GABRR3: variants seen among roughly 807,000 people sequenced by gnomAD.
The protein encoded by GABRR3 is gamma-aminobutyric acid receptor subunit rho-3.
In GABRR3, 29 loss-of-function variants were observed where a neutral mutation model predicts 43.2. That is an observed-to-expected ratio of 0.67 (90% CI 0.50 to 0.92). The LOEUF (loss-of-function observed/expected upper bound fraction) is 0.92. Ranked by LOEUF, GABRR3 falls within the 40% of genes least tolerant of loss-of-function variation. GABRR3 has a pLI of 0.00. For synonymous variants in GABRR3, 206 were observed against 195.9 expected, an observed-to-expected ratio of 1.05 and a Z score of -0.43; for missense variants, 576 against 572.3, an observed-to-expected ratio of 1.01 and a Z score of -0.07.
At position 98,032,612 on chromosome 3, in the gene GABRR3, T is replaced by C. The variant is rs557550631; in HGVS notation, c.125+2251A>G. On this transcript the variant is annotated intron_variant, in intron 2 of 9. Coordinates refer to ENST00000621172, the Ensembl canonical transcript of GABRR3. ...AACTTACTTTATTCACACCTCTCCC[T>C]ACTTTGTTTTTAGGAAACAAAAGAT... Among the ~76,000 whole-genome samples, 4 of 152,354 alleles carry C rather than the reference T, an allele frequency of 2.6e-5. No homozygotes were observed. The South Asian group carries it at 8.3e-4, about 32-fold the overall frequency.
intron 9 of GABRR3, among the ~76,000 whole-genome samples, chr3:97,988,260 T>C (rs1276582838): frequency 6.6e-6 from 1 of 152,112 alleles, no homozygotes; most frequent in Admixed American, 6.6e-5. Flanking sequence ...TTATTTTTAG[T>C]AGAGACGAGG....
chr3:98,028,245 TA>T (rs1367974135), intron 2 of GABRR3, among the ~76,000 whole-genome samples: 1 of 152,212 alleles, frequency 6.6e-6, no homozygotes, highest in African/African-American at 2.4e-5. Context: ...ATTCTGTTCT[TA>T]TTTTTTAATC....
chr3:98,024,596 G>A (rs912579522), intron 3 of GABRR3, among the ~76,000 whole-genome samples: 1 of 152,064 alleles, frequency 6.6e-6, no homozygotes, highest in African/African-American at 2.4e-5. Context: ...GAACACTTGC[G>A]GTATTCGTTA....
At chr3:98,033,340 A>T (rs990535910) in intron 2 of GABRR3, among the ~76,000 whole-genome samples, 2 of 152,214 alleles carry the variant, frequency 1.3e-5, no homozygotes, top group African/African-American at 4.8e-5. Context: ...CTACGGGGGA[A>T]GTCTGCTTTT....
At position 98,007,749 on chromosome 3, in the gene GABRR3, T is replaced by G. The variant is rs374700209; in HGVS notation, c.754+15A>C. 8 of 1,613,118 alleles carry G rather than the reference T, an allele frequency of 5.0e-6. No individual in the cohort carries two copies. In the East Asian group the frequency reaches 1.8e-4, roughly 36 times the overall value. ...CCAATAAATGCTGATGAATCACCCATGTAAAATGCTGTACCTGTGCTGCTA... is the reference window on the plus strand; with the variant it reads ...CCAATAAATGCTGATGAATCACCCAGGTAAAATGCTGTACCTGTGCTGCTA... On this transcript the variant is annotated intron_variant, in intron 7 of 9. Transcript: ENST00000621172.
At chr3:98,010,314 C>T (rs1706774309) in intron 5 of GABRR3, among the ~76,000 whole-genome samples, 1 of 152,200 alleles carries the variant, frequency 6.6e-6, no homozygotes, top group Non-Finnish European at 1.5e-5. Context: ...GCGCTTAATT[C>T]TCTCAGCAAT....
intron 2 of GABRR3, among the ~76,000 whole-genome samples, chr3:98,032,342 A>T (rs1441810278): frequency 6.6e-6 from 1 of 152,186 alleles, no homozygotes; most frequent in Non-Finnish European, 1.5e-5. Context: ...CCTGAAAATG[A>T]TTGGCTGTTG....
chr3:97,988,366 C>T (rs1197898190), intron 9 of GABRR3, among the ~76,000 whole-genome samples: 2 of 152,166 alleles, frequency 1.3e-5, no homozygotes, highest in African/African-American at 4.8e-5. Context: ...GCATGAGCTA[C>T]CGCACCCAGC....
intron 8 of GABRR3, among the ~76,000 whole-genome samples, chr3:97,996,973 T>G (rs185776861): frequency 2.0e-5 from 3 of 152,152 alleles, no homozygotes; most frequent in East Asian, 3.9e-4. Flanking sequence ...AACTACGTAC[T>G]GAATATGAAC....
At chr3:98,007,798 A>T (rs758986500) in exon 7 of GABRR3, 1 of 1,613,584 alleles carries the variant, frequency 6.2e-7, no homozygotes, top group South Asian at 1.1e-5. Flanking sequence ...CACTAGATGC[A>T]CTGAAGTCTT....
intron 4 of GABRR3, among the ~76,000 whole-genome samples, chr3:98,013,979 G>A (rs1224470155): frequency 5.9e-5 from 9 of 152,156 alleles, no homozygotes; most frequent in Admixed American, 2.6e-4. Context: ...CATTCTGGGA[G>A]GAGGGTGAGA....
chr3:98,007,167 C>T (rs930728874), intron 7 of GABRR3, among the ~76,000 whole-genome samples: 3 of 151,904 alleles, frequency 2.0e-5, no homozygotes, highest in Non-Finnish European at 4.4e-5. Flanking sequence ...AGAAAGGAAG[C>T]CTGTTTTACA....
At chr3:98,009,541 A>G (rs1706762250) in intron 5 of GABRR3, among the ~76,000 whole-genome samples, 1 of 152,180 alleles carries the variant, frequency 6.6e-6, no homozygotes, top group South Asian at 2.1e-4. Context: ...TTAGTTATAG[A>G]TCTATGTGCA....
At chr3:98,017,548 A>C in intron 4 of GABRR3, 107 bp downstream of exon 4, 5 of 784,108 alleles carry the variant, frequency 6.4e-6, no homozygotes, top group Non-Finnish European at 1.1e-5. Context: ...AGTAGGAGAC[A>C]TAAATAACAT....
chr3:97,988,752 G>T (rs1490079700), intron 9 of GABRR3, among the ~76,000 whole-genome samples: 3 of 151,598 alleles, frequency 2.0e-5, no homozygotes, highest in Non-Finnish European at 4.4e-5. Context: ...GTGTCTGGTG[G>T]TGATGGTAGA....
chr3:98,034,320 A>G (rs746961944), intron 2 of GABRR3, among the ~76,000 whole-genome samples: 29 of 152,100 alleles, frequency 1.9e-4, no homozygotes, highest in Non-Finnish European at 3.4e-4. Flanking sequence ...ACGTCCAAAC[A>G]TGCTCCTGAT....
intron 7 of GABRR3, among the ~76,000 whole-genome samples, chr3:98,004,922 T>C (rs1028942830): frequency 6.6e-6 from 1 of 152,102 alleles, no homozygotes; most frequent in African/African-American, 2.4e-5. Flanking sequence ...CAGAAGATTA[T>C]GTTTAATGAT....
At chr3:98,015,274 C>T (rs1412479134) in intron 4 of GABRR3, among the ~76,000 whole-genome samples, 1 of 152,214 alleles carries the variant, frequency 6.6e-6, no homozygotes, top group Admixed American at 6.5e-5. Flanking sequence ...TTCAGTATAA[C>T]CTCCACCTCC....
chr3:97,990,201 T>C (rs963724528), intron 9 of GABRR3, among the ~76,000 whole-genome samples: 1 of 152,212 alleles, frequency 6.6e-6, no homozygotes, highest in Admixed American at 6.5e-5. Context: ...TACGCCCTTT[T>C]ACTATATCAC....
Sources: allele counts gnomAD v4.1 joint callset (sites outside exome capture counted in the v4.1 genomes callset), GRCh38; gene constraint gnomAD v4.1.1; transcripts MANE v1.5; gene names NCBI Gene and HGNC (gene_info 2026-07-23, HGNC 2026-07-21).